Variants in SLC44A3 observed in about 807,000 individuals in gnomAD.
SLC44A3 encodes solute carrier family 44 member 3, also known as choline transporter-like protein 3.
A neutral mutation model predicts 75.4 loss-of-function variants in SLC44A3; 74 were observed. The ratio of observed to expected loss-of-function variants is 0.98; its 90% confidence interval spans 0.81 to 1.19. SLC44A3 has a LOEUF of 1.19. Among genes scored for constraint, SLC44A3 ranks in the 50% most tolerant of loss-of-function variants. SLC44A3 has a pLI of 0.00. For synonymous variants in SLC44A3, 310 were observed against 296.9 expected, an observed-to-expected ratio of 1.04 and a Z score of -0.45; for missense variants, 700 against 778.6, an observed-to-expected ratio of 0.90 and a Z score of 1.20.
intron 8 of SLC44A3, among the ~76,000 whole-genome samples, chr1:94,843,953 T>C (rs1372486964): frequency 6.6e-6 from 1 of 151,982 alleles, no homozygotes; most frequent in Non-Finnish European, 1.5e-5. Flanking sequence ...AGGCTGAGAC[T>C]TGAGCTGTGG....
At chr1:94,885,336 A>AAT (rs1669460191) in intron 12 of SLC44A3, among the ~76,000 whole-genome samples, 1 of 151,740 alleles carries the variant, frequency 6.6e-6, no homozygotes, top group Non-Finnish European at 1.5e-5. Flanking sequence ...TCCGAGGGTG[A>AAT]CTGGCCACGA....
At chr1:94,850,932 G>A (rs1382723366) in intron 9 of SLC44A3, among the ~76,000 whole-genome samples, 2 of 152,080 alleles carry the variant, frequency 1.3e-5, no homozygotes, top group Non-Finnish European at 2.9e-5. Context: ...CCTGCTAGTG[G>A]CCCAGTCTTG....
Position 94,864,812 on chromosome 1 carries a change from A to G in SLC44A3, c.1308A>G (p.Gly436=). 6.2e-7 allele frequency: 1 copy of G among 1,614,032 alleles called. No homozygotes were observed. The highest frequency in any genetic ancestry group is 8.5e-7 in the Non-Finnish European group (1 of 1,179,922). The change falls in exon 11 of 15, where the codon GGA becomes GGG. Residue 436 remains glycine, a synonymous_variant. Coordinates refer to ENST00000271227, the MANE Select transcript of SLC44A3 (RefSeq NM_001114106.3). The part of the protein sequence containing the change: ...SLSILFFYHQ[G]TVVKGSFLIS... ...CCATTCTCTTCTTCTACCATCAAGG[A>G]ACCGTTGTGAAAGGGTCATTTTTAA... is the stretch of plus-strand genomic sequence containing the variant.
intron 9 of SLC44A3, among the ~76,000 whole-genome samples, 152 bp from the exon 10 acceptor site, chr1:94,857,182 AT>A (rs1017232588): frequency 2.0e-5 from 3 of 152,100 alleles, no homozygotes; most frequent in Non-Finnish European, 4.4e-5. Flanking sequence ...TTTGATTTTG[AT>A]TTTTGTATAT....
intron 9 of SLC44A3, among the ~76,000 whole-genome samples, chr1:94,847,724 C>A (rs1189496889): frequency 6.6e-6 from 1 of 152,142 alleles, no homozygotes; most frequent in African/African-American, 2.4e-5. Context: ...TATGTTCTGT[C>A]CCCCAGGCAT....
chr1:94,849,258 G>T (rs377194054), intron 9 of SLC44A3, among the ~76,000 whole-genome samples: 3 of 152,190 alleles, frequency 2.0e-5, no homozygotes, highest in Admixed American at 2.0e-4. Flanking sequence ...GGGCCAGAAA[G>T]GAAACTGGGT....
At chr1:94,889,043 G>A (rs1218759700) in intron 12 of SLC44A3, among the ~76,000 whole-genome samples, 3 of 152,074 alleles carry the variant, frequency 2.0e-5, no homozygotes, top group Non-Finnish European at 4.4e-5. Flanking sequence ...TTACAGGCAT[G>A]AGCCACCGTG....
rs557777451 is a variant in SLC44A3, at chr1:94,827,791, G to A, written c.415+148G>A. On this transcript the variant is annotated intron_variant, in intron 4 of 14. Coordinates refer to ENST00000271227, the MANE Select transcript of SLC44A3 (RefSeq NM_001114106.3). ...TGCCTCTTTTTGTGTGGAAAAGGCC[G>A]TAAGCATTTTCTCTTGAGCTTGTTC... 203 of 931,858 alleles carry A rather than the reference G, an allele frequency of 2.2e-4. 2 individuals are homozygous for A. In the South Asian group the frequency reaches 3.3e-3, roughly 15 times the overall value. 57.7% of individuals were successfully genotyped at this position (931,858 alleles called of 1,614,324 possible).
At chr1:94,879,574 T>A (rs1209144800) in intron 12 of SLC44A3, among the ~76,000 whole-genome samples, 2 of 144,598 alleles carry the variant, frequency 1.4e-5, no homozygotes, top group Non-Finnish European at 3.0e-5. Context: ...GCGCAGTGGT[T>A]CATGCCTGTA....
At position 94,845,356 on chromosome 1, in the gene SLC44A3, GC is replaced by G; in HGVS notation, c.966del (p.Ile323SerfsTer30). 2 of 1,613,994 alleles carry G rather than the reference GC, an allele frequency of 1.2e-6. No individual in the cohort carries two copies. The highest frequency in any genetic ancestry group is 1.7e-6 in the Non-Finnish European group (2 of 1,180,006). ...TGAGCTTTTCCAAATCACAAATAAAGCCATCAGCAGTGCTCCCTTCCTGCTG... is the reference window on the plus strand; with the variant it reads ...TGAGCTTTTCCAAATCACAAATAAAGCATCAGCAGTGCTCCCTTCCTGCTG... Reference protein sequence around the residue: ...TVELFQITNKAISSAPFLLFQ... With the variant: ...TVELFQITNKXISSAPFLLFQ... On this transcript the variant is annotated frameshift_variant, in exon 9 of 15. Transcript: ENST00000271227. LOFTEE classifies it high-confidence loss of function.
At chr1:94,885,414 GC>G (rs1669475605) in intron 12 of SLC44A3, among the ~76,000 whole-genome samples, 1 of 152,148 alleles carries the variant, frequency 6.6e-6, no homozygotes, top group South Asian at 2.1e-4. Context: ...CAAAGTGAGG[GC>G]CCTTGAGAAG....
At chr1:94,869,016 C>A (rs550382796) in intron 12 of SLC44A3, among the ~76,000 whole-genome samples, 3 of 152,244 alleles carry the variant, frequency 2.0e-5, no homozygotes, top group African/African-American at 7.2e-5. Context: ...CCTGGCCTTG[C>A]GGCCTGAGCA....
chr1:94,864,013 C>G (rs1323006759), intron 10 of SLC44A3, among the ~76,000 whole-genome samples: 2 of 152,170 alleles, frequency 1.3e-5, no homozygotes, highest in Admixed American at 1.3e-4. Context: ...AAAGGGTCAC[C>G]CGTGGGGTGG....
intron 1 of SLC44A3, 90 bp downstream of exon 1, chr1:94,820,568 C>T: frequency 7.0e-7 from 1 of 1,435,326 alleles, no homozygotes; most frequent in Non-Finnish European, 9.2e-7. Flanking sequence ...CCGGACGCTT[C>T]CGCCTTTCCC....
intron 2 of SLC44A3, 75 bp downstream of exon 2, chr1:94,821,131 AATCGTAG>A (rs2100877737): frequency 2.1e-5 from 4 of 187,252 alleles, no homozygotes; most frequent in Non-Finnish European, 2.4e-5. Flanking sequence ...CCCAAATGTA[AATCGTAG>A]TTGGTGCTGC....
At position 94,822,083 on chromosome 1, in the gene SLC44A3, G is replaced by T. The variant is rs1026112640; in HGVS notation, c.135+1027G>T. Among the ~76,000 whole-genome samples the T allele has an allele frequency of 1.3e-4, 20 of 152,284 alleles. No individual in the cohort carries two copies. The South Asian group carries it at 4.1e-3, about 32-fold the overall frequency. The stretch of plus-strand genomic sequence containing the variant: ...ATGGTTGGTGTTTTTATCTGAGACT[G>T]CTGTTGTATAAATGCAGGGAGCAGC... On this transcript the variant is annotated intron_variant, in intron 2 of 14. Transcript: ENST00000271227.
Position 94,821,039 on chromosome 1 carries a change from C to T in SLC44A3, c.118C>T (p.Leu40Phe). The change falls in exon 2 of 15, where the codon CTC becomes TTC. Residue 40 changes from leucine (L) to phenylalanine (F), a missense_variant. Coordinates refer to ENST00000271227, the MANE Select transcript of SLC44A3 (RefSeq NM_001114106.3). Reference sequence around the variant, plus strand: ...TACGGCATGGTTATTCCTGTTCTTTCTCTTTTGGACTGGTTTGGTAAGTGT... The same window carrying T: ...TACGGCATGGTTATTCCTGTTCTTTTTCTTTTGGACTGGTTTGGTAAGTGT... The part of the protein sequence containing the change: ...TDTAWLFLFF[L>F]FWTGLVFIMG... 6.4e-7 allele frequency: 1 copy of T among 1,551,168 alleles called. No homozygotes were observed. The highest frequency in any genetic ancestry group is 8.7e-7 in the Non-Finnish European group (1 of 1,146,672).
chr1:94,889,523 A>ATC (rs904396434), intron 12 of SLC44A3, among the ~76,000 whole-genome samples: 8 of 58,382 alleles, frequency 1.4e-4, no homozygotes, highest in African/African-American at 3.5e-4. Context: ...TGTGAACATA[A>ATC]TCACACACAC....
At chr1:94,878,421 G>T (rs1668566216) in intron 12 of SLC44A3, among the ~76,000 whole-genome samples, 1 of 152,238 alleles carries the variant, frequency 6.6e-6, no homozygotes, top group Non-Finnish European at 1.5e-5. Context: ...AACGCCCTCA[G>T]TATCAGCCCC....
Sources: allele counts gnomAD v4.1 joint callset (sites outside exome capture counted in the v4.1 genomes callset), GRCh38; gene constraint gnomAD v4.1.1; transcripts MANE v1.5; gene names NCBI Gene and HGNC (gene_info 2026-07-23, HGNC 2026-07-21).